DCAF5: variants seen among roughly 807,000 people sequenced by gnomAD.
DCAF5 encodes DDB1- and CUL4-associated factor 5.
A neutral mutation model predicts 80.7 loss-of-function variants in DCAF5; 9 were observed. That is an observed-to-expected ratio of 0.11 (90% CI 0.07 to 0.19). The LOEUF (loss-of-function observed/expected upper bound fraction) is 0.19, where lower values mean the gene tolerates loss of function less well. Ranked by LOEUF, DCAF5 falls within the 10% of genes least tolerant of loss-of-function variation. DCAF5 has a pLI of 1.00. For missense variants in DCAF5, 842 were observed against 1,205.7 expected, an observed-to-expected ratio of 0.70 and a Z score of 4.47; for synonymous variants, 433 against 461.9, an observed-to-expected ratio of 0.94 and a Z score of 0.80.
chr14:69,090,961 C>T, intron 6 of DCAF5: 2 of 624,322 alleles, frequency 3.2e-6, no homozygotes, highest in Non-Finnish European at 5.8e-6. Flanking sequence ...TTTGTCTTTC[C>T]TCGGCTTGGT....
chr14:69,143,414 T>A (rs1245210413), intron 1 of DCAF5, among the ~76,000 whole-genome samples: 2 of 152,174 alleles, frequency 1.3e-5, no homozygotes, highest in Non-Finnish European at 2.9e-5. Flanking sequence ...CCCTCATATG[T>A]AATATAAGGA....
chr14:69,077,108 T>G (rs1338213351), intron 6 of DCAF5, among the ~76,000 whole-genome samples: 2 of 152,226 alleles, frequency 1.3e-5, no homozygotes, highest in Non-Finnish European at 2.9e-5. Context: ...TTCCAGTGAT[T>G]AACGTGTTTT....
chr14:69,084,161 G>A (rs1436440768), intron 6 of DCAF5: 14 of 902,976 alleles, frequency 1.6e-5, no homozygotes, highest in African/African-American at 3.3e-5. Context: ...ACCTACTAGA[G>A]AACTAGCCAT....
chr14:69,088,808 G>A (rs902467989), intron 6 of DCAF5, among the ~76,000 whole-genome samples: 2 of 152,144 alleles, frequency 1.3e-5, no homozygotes, highest in African/African-American at 4.8e-5. Flanking sequence ...GGAAAAGGCA[G>A]GCTATGGAAA....
At chr14:69,139,072 G>C (rs1401759658) in intron 1 of DCAF5, among the ~76,000 whole-genome samples, 1 of 152,084 alleles carries the variant, frequency 6.6e-6, no homozygotes, top group African/African-American at 2.4e-5. Context: ...GATCACTTGA[G>C]CCAAGGAGGC....
chr14:69,126,632 G>C (rs1272742210), intron 1 of DCAF5, among the ~76,000 whole-genome samples: 9 of 152,188 alleles, frequency 5.9e-5, no homozygotes, highest in Admixed American at 5.9e-4. Flanking sequence ...CAAAGTTGGA[G>C]GACTGACATT....
At chr14:69,145,771 A>T (rs1351795623) in intron 1 of DCAF5, among the ~76,000 whole-genome samples, 2 of 152,224 alleles carry the variant, frequency 1.3e-5, no homozygotes, top group Non-Finnish European at 2.9e-5. Context: ...TTTAACTTTA[A>T]AAGACTTTCA....
At chr14:69,074,668 T>C (rs971238105) in intron 7 of DCAF5, among the ~76,000 whole-genome samples, 1 of 152,102 alleles carries the variant, frequency 6.6e-6, no homozygotes, top group Non-Finnish European at 1.5e-5. Flanking sequence ...CCCTACCAAC[T>C]GTTTGTAGAA....
At chr14:69,084,000 A>G (rs1268457446) in intron 6 of DCAF5, 5 of 782,026 alleles carry the variant, frequency 6.4e-6, no homozygotes, top group Non-Finnish European at 1.2e-5. Flanking sequence ...AATTCAGCAT[A>G]AAAGTATCAG....
intron 6 of DCAF5, among the ~76,000 whole-genome samples, chr14:69,086,786 G>A (rs1417838888): frequency 6.6e-6 from 1 of 152,166 alleles, no homozygotes; most frequent in Non-Finnish European, 1.5e-5. Context: ...AGGCCATTTT[G>A]TTGGATTCAT....
At chr14:69,080,784 C>T (rs2039071212) in intron 6 of DCAF5, among the ~76,000 whole-genome samples, 1 of 152,126 alleles carries the variant, frequency 6.6e-6, no homozygotes. Context: ...TGATGTATGA[C>T]TTCACAACCA....
At position 69,053,811 on chromosome 14, in the gene DCAF5, T is replaced by C. The variant is rs1292165500; in HGVS notation, c.*46A>G. On this transcript the variant is annotated 3_prime_UTR_variant, in exon 9 of 9. Coordinates refer to ENST00000341516, the MANE Select transcript of DCAF5 (RefSeq NM_003861.3). ...TGTATTCACTAAACAATTTTTTTTT[T>C]TTTGTAAGGCTACTTTTGTAGCTTT... The C allele has an allele frequency of 1.3e-6, 2 of 1,529,650 alleles. No homozygotes were observed. The highest frequency in any genetic ancestry group is 2.8e-5 in the African/African-American group (2 of 71,836). 94.8% of individuals were successfully genotyped at this position (1,529,650 alleles called of 1,614,324 possible). A position where few individuals can be genotyped will look rare whatever the true frequency, so the allele number is the denominator to read the frequency against.
Position 69,137,835 on chromosome 14 carries a change from TATA to T in DCAF5, c.214+14927_214+14929del, listed in dbSNP as rs756433331. On this transcript the variant is annotated intron_variant, in intron 1 of 8. Coordinates refer to ENST00000341516, the MANE Select transcript of DCAF5 (RefSeq NM_003861.3). ...CACATTCACATAACTTTTATTACAGTATAATATTATAATTGTTCTACTTTATTA... is the reference window on the plus strand; with the variant it reads ...CACATTCACATAACTTTTATTACAGTATATTATAATTGTTCTACTTTATTA... Among the ~76,000 whole-genome samples, 203 of 152,242 alleles carry T rather than the reference TATA, an allele frequency of 1.3e-3. 5 individuals carry two copies. Among genetic ancestry groups the T allele is most frequent in the Non-Finnish European group, 4.1e-4 (28 of 68,042 alleles).
At chr14:69,066,434 C>T (rs755607422) in intron 7 of DCAF5, among the ~76,000 whole-genome samples, 3 of 152,132 alleles carry the variant, frequency 2.0e-5, no homozygotes, top group Non-Finnish European at 4.4e-5. Context: ...TGCACCTGGC[C>T]AGCTGACACT....
At chr14:69,146,129 G>GGTGGCCAAAATACATAACT (rs2041530831) in intron 1 of DCAF5, among the ~76,000 whole-genome samples, 1 of 152,122 alleles carries the variant, frequency 6.6e-6, no homozygotes, top group Non-Finnish European at 1.5e-5. Flanking sequence ...CTTTCAATGT[G>GGTGGCCAAAATACATAACT]GTGGCCAAAA....
chr14:69,084,988 T>C, intron 6 of DCAF5: 1 of 1,399,106 alleles, frequency 7.1e-7, no homozygotes, highest in Non-Finnish European at 1.0e-6. Flanking sequence ...GAATTGGGTT[T>C]TCTTCACTAC....
intron 6 of DCAF5, chr14:69,083,466 G>A: frequency 3.1e-6 from 1 of 324,494 alleles, no homozygotes; most frequent in South Asian, 3.3e-5. Flanking sequence ...TGCGGCAGTG[G>A]AACCTAAAGT....
intron 6 of DCAF5, 127 bp downstream of exon 6, chr14:69,091,547 G>C: frequency 1.2e-6 from 1 of 826,190 alleles, no homozygotes; most frequent in Non-Finnish European, 1.9e-6. Context: ...AACATCTCCA[G>C]GCACTCACTG....
At chr14:69,096,306 A>G (rs2039712735) in intron 5 of DCAF5, among the ~76,000 whole-genome samples, 1 of 152,214 alleles carries the variant, frequency 6.6e-6, no homozygotes, top group African/African-American at 2.4e-5. Context: ...GAACTGTCGG[A>G]CAACCAACCC....
Sources: allele counts gnomAD v4.1 joint callset (sites outside exome capture counted in the v4.1 genomes callset), GRCh38; gene constraint gnomAD v4.1.1; transcripts MANE v1.5; gene names NCBI Gene and HGNC (gene_info 2026-07-23, HGNC 2026-07-21).